RARB: variants seen among roughly 807,000 people sequenced by gnomAD.
RARB encodes retinoic acid receptor beta.
Under a neutral mutation model 51.9 loss-of-function variants are expected in RARB, and 17 were observed. The observed-to-expected ratio is 0.33, with a 90% CI of 0.22 to 0.49. RARB has a LOEUF of 0.49. Ranked by LOEUF, RARB falls within the 20% of genes least tolerant of loss-of-function variation. RARB has a pLI of 0.99. For synonymous variants in RARB, 215 were observed against 195.4 expected, an observed-to-expected ratio of 1.10 and a Z score of -0.84; for missense variants, 369 against 550.8, an observed-to-expected ratio of 0.67 and a Z score of 3.30.
intron 5 of RARB, among the ~76,000 whole-genome samples, chr3:25,285,604 T>C (rs764150028): frequency 1.3e-5 from 2 of 152,162 alleles, no homozygotes; most frequent in African/African-American, 2.4e-5. Flanking sequence ...GGGTGCCTTA[T>C]ACTACTAAGG....
At chr3:25,171,119 G>T in intron 4 of RARB, among the ~76,000 whole-genome samples, 1 of 151,744 alleles carries the variant, frequency 6.6e-6, no homozygotes, top group East Asian at 1.9e-4. Context: ...CCCTTTTACA[G>T]ATTCTGAAAC....
chr3:25,253,232 T>C (rs1702773795), intron 5 of RARB, among the ~76,000 whole-genome samples: 1 of 152,204 alleles, frequency 6.6e-6, no homozygotes, highest in Non-Finnish European at 1.5e-5. Flanking sequence ...GATACACATG[T>C]GTTTTTTTAT....
At chr3:25,149,798 G>T (rs1160678460) in intron 4 of RARB, among the ~76,000 whole-genome samples, 1 of 152,084 alleles carries the variant, frequency 6.6e-6, no homozygotes, top group Non-Finnish European at 1.5e-5. Flanking sequence ...TCATTCTTTG[G>T]CTACAACTGT....
chr3:25,484,756 A>C (rs1045048883), intron 2 of RARB, among the ~76,000 whole-genome samples: 1 of 152,116 alleles, frequency 6.6e-6, no homozygotes, highest in Non-Finnish European at 1.5e-5. Context: ...AAGAGTTTCT[A>C]TTTGGCCCTT....
chr3:24,997,250 TC>T (rs1417551006), intron 2 of RARB, among the ~76,000 whole-genome samples: 4 of 152,186 alleles, frequency 2.6e-5, no homozygotes, highest in Non-Finnish European at 4.4e-5. Flanking sequence ...TAACTTGAAA[TC>T]TGTTTTGCCT....
intron 2 of RARB, among the ~76,000 whole-genome samples, chr3:25,484,584 A>G (rs953039918): frequency 7.9e-4 from 121 of 152,318 alleles, no homozygotes; most frequent in African/African-American, 2.6e-3. Context: ...CTTGAAAAAA[A>G]AATTAATATA....
Position 25,594,544 on chromosome 3 carries a change from C to T in RARB, c.1016C>T (p.Thr339Ile), listed in dbSNP as rs1701739568. ...CGDRQDLEEP[T>I]KVDKLQEPLL... ...GACCGCCAGGACCTTGAGGAACCGACAAAAGTAGATAAGCTACAAGAACCA... is the reference window on the plus strand; with the variant it reads ...GACCGCCAGGACCTTGAGGAACCGATAAAAGTAGATAAGCTACAAGAACCA... Residue 339 changes from threonine to isoleucine, a missense_variant, in exon 7 of 8, where the codon ACA becomes ATA. By Grantham distance (89) the Thr-to-Ile change is moderately conservative. Coordinates refer to ENST00000330688, the MANE Select transcript of RARB (RefSeq NM_000965.5). 6.2e-7 allele frequency: 1 copy of T among 1,610,960 alleles called. No homozygotes were observed.
At chr3:24,971,886 A>T (rs1366277759) in intron 2 of RARB, among the ~76,000 whole-genome samples, 1 of 151,990 alleles carries the variant, frequency 6.6e-6, no homozygotes, top group Non-Finnish European at 1.5e-5. Flanking sequence ...TATTTTTGTT[A>T]TATTGATACA....
At chr3:25,207,592 C>CTA (rs1247975022) in intron 5 of RARB, among the ~76,000 whole-genome samples, 1 of 152,030 alleles carries the variant, frequency 6.6e-6, no homozygotes, top group African/African-American at 2.4e-5. Flanking sequence ...CTCATTTTTT[C>CTA]TATACTAAAT....
At chr3:25,150,686 A>G (rs1700272885) in intron 4 of RARB, among the ~76,000 whole-genome samples, 1 of 152,212 alleles carries the variant, frequency 6.6e-6, no homozygotes, top group South Asian at 2.1e-4. Flanking sequence ...GTGTATTCAC[A>G]ATGATCTTTT....
At chr3:25,484,670 T>G (rs1353068923) in intron 2 of RARB, among the ~76,000 whole-genome samples, 3 of 152,188 alleles carry the variant, frequency 2.0e-5, no homozygotes, top group African/African-American at 7.2e-5. Flanking sequence ...CATTCATTTC[T>G]GTATTGTCTA....
intron 3 of RARB, among the ~76,000 whole-genome samples, chr3:25,557,670 C>T (rs959678823): frequency 6.6e-6 from 1 of 152,182 alleles, no homozygotes; most frequent in Non-Finnish European, 1.5e-5. Flanking sequence ...AGACATCCCT[C>T]TTCTCTCACT....
chr3:25,520,310 G>C (rs1381928468), intron 3 of RARB, among the ~76,000 whole-genome samples: 4 of 152,140 alleles, frequency 2.6e-5, no homozygotes, highest in African/African-American at 4.8e-5. Context: ...TTTCTATCCA[G>C]TTCATAGAAG....
intron 3 of RARB, among the ~76,000 whole-genome samples, chr3:25,127,221 G>A (rs1445390017): frequency 1.3e-5 from 2 of 152,100 alleles, no homozygotes; most frequent in African/African-American, 4.8e-5. Flanking sequence ...CCAGACCCAT[G>A]ACTGTGGCAT....
chr3:24,920,333 G>A (rs917821270), intron 2 of RARB, among the ~76,000 whole-genome samples: 11 of 152,122 alleles, frequency 7.2e-5, no homozygotes, highest in Non-Finnish European at 1.3e-4. Context: ...TGGAAAGATG[G>A]TATTGCAACC....
rs543656128 is a variant in RARB at position 25,466,656 on chromosome 3, C to A, written c.306+5315C>A. 2.0e-5 allele frequency among the ~76,000 whole-genome samples: 3 copies of A among 152,280 alleles called. No homozygotes were observed. The South Asian group carries it at 6.2e-4, about 32-fold the overall frequency. Reference sequence around the variant, plus strand: ...CTTTCCTTCAAGGCTCACATTAAGACCCTACTACTCCATGGAGCCTCCCTG... The same window carrying A: ...CTTTCCTTCAAGGCTCACATTAAGAACCTACTACTCCATGGAGCCTCCCTG... On this transcript the variant is annotated intron_variant, in intron 2 of 7. Transcript: ENST00000330688.
chr3:24,894,208 C>T (rs1444903130), intron 2 of RARB, among the ~76,000 whole-genome samples: 1 of 151,908 alleles, frequency 6.6e-6, no homozygotes, highest in Non-Finnish European at 1.5e-5. Flanking sequence ...ACAAATGATC[C>T]TATCACCCAG....
chr3:24,861,446 C>T (rs1559374427), intron 2 of RARB, among the ~76,000 whole-genome samples: 1 of 152,008 alleles, frequency 6.6e-6, no homozygotes, highest in Admixed American at 6.6e-5. Flanking sequence ...AGAACACTTT[C>T]ATATTCCTAG....
At chr3:24,991,535 T>G (rs758945507) in intron 2 of RARB, among the ~76,000 whole-genome samples, 1 of 152,198 alleles carries the variant, frequency 6.6e-6, no homozygotes, top group Non-Finnish European at 1.5e-5. Context: ...TCTTGTATTA[T>G]TGCACTGTAG....
Sources: allele counts gnomAD v4.1 joint callset (sites outside exome capture counted in the v4.1 genomes callset), GRCh38; gene constraint gnomAD v4.1.1; transcripts MANE v1.5; gene names NCBI Gene and HGNC (gene_info 2026-07-23, HGNC 2026-07-21).